FNIP1: variants seen among roughly 807,000 people sequenced by gnomAD.
The protein encoded by FNIP1 is folliculin-interacting protein 1.
Under a neutral mutation model 124.5 loss-of-function variants are expected in FNIP1, and 40 were observed. The observed-to-expected ratio is 0.32, with a 90% CI of 0.25 to 0.42. The LOEUF is 0.42. FNIP1 is among the 10% of genes least tolerant of loss of function. FNIP1 has a pLI of 1.00. For missense variants in FNIP1, 1,176 were observed against 1,403.7 expected (o/e 0.84, Z 2.59); for synonymous variants, 472 against 470.6 (o/e 1.00, Z -0.04).
intron 1 of FNIP1, among the ~76,000 whole-genome samples, chr5:131,794,843 T>C (rs1174221820): frequency 6.6e-6 from 1 of 152,152 alleles, no homozygotes; most frequent in African/African-American, 2.4e-5. Context: ...TGACAGAAAG[T>C]ATCAGTGACT....
At chr5:131,794,408 A>AT (rs1028655670) in intron 1 of FNIP1, among the ~76,000 whole-genome samples, 1 of 151,260 alleles carries the variant, frequency 6.6e-6, no homozygotes, top group Non-Finnish European at 1.5e-5. Context: ...AAGTCTGACA[A>AT]TTTTTTTTTA....
At position 131,658,217 on chromosome 5, in the gene FNIP1, A is replaced by G. The variant is rs140122774; in HGVS notation, c.3109-6218T>C. On this transcript the variant is annotated intron_variant, in intron 15 of 17. Coordinates refer to ENST00000510461, the MANE Select transcript of FNIP1 (RefSeq NM_133372.3). ...CCAAAAAACAAATTGACGTTAGACAATCTAGCAGAAGGGTTCATATTATTC... is the reference window on the plus strand; with the variant it reads ...CCAAAAAACAAATTGACGTTAGACAGTCTAGCAGAAGGGTTCATATTATTC... 4.7e-3 allele frequency among the ~76,000 whole-genome samples: 712 copies of G among 152,282 alleles called. 8 individuals carry two copies. The highest frequency in any genetic ancestry group is 0.016 in the African/African-American group (676 of 41,546).
chr5:131,742,649 A>G (rs1396483771), intron 2 of FNIP1, among the ~76,000 whole-genome samples: 1 of 152,256 alleles, frequency 6.6e-6, no homozygotes, highest in Non-Finnish European at 1.5e-5. Flanking sequence ...GCAAAATAGA[A>G]TATTGTACAA....
At chr5:131,678,989 T>A (rs1234971266) in intron 12 of FNIP1, 40 bp downstream of exon 12, 5 of 1,392,908 alleles carry the variant, frequency 3.6e-6, no homozygotes, top group Non-Finnish European at 5.0e-6. Context: ...TTGAGTTTGA[T>A]TACAATCTAG....
chr5:131,744,439 C>A, intron 2 of FNIP1, 125 bp downstream of exon 2: 1 of 921,414 alleles, frequency 1.1e-6, no homozygotes. Flanking sequence ...CAAACATTTC[C>A]TTCTCCCTCA....
At position 131,707,490 on chromosome 5, in the gene FNIP1, C is replaced by T. The variant is rs574606657; in HGVS notation, c.779-944G>A. Reference sequence around the variant, plus strand: ...ACTGAGACACTTTCATTATGAAGATCTATTCATTTGAATTCTGACAAATTC... The same window carrying T: ...ACTGAGACACTTTCATTATGAAGATTTATTCATTTGAATTCTGACAAATTC... On this transcript the variant is annotated intron_variant, in intron 8 of 17. Transcript: ENST00000510461. 4.6e-5 allele frequency among the ~76,000 whole-genome samples: 7 copies of T among 152,280 alleles called. No homozygotes were observed. In the South Asian group the frequency reaches 1.5e-3, roughly 32 times the overall value.
At chr5:131,771,796 G>C in intron 1 of FNIP1, among the ~76,000 whole-genome samples, 1 of 151,754 alleles carries the variant, frequency 6.6e-6, no homozygotes, top group Non-Finnish European at 1.5e-5. Flanking sequence ...AAAGTTTTAC[G>C]TTACTGTCAC....
intron 1 of FNIP1, among the ~76,000 whole-genome samples, chr5:131,749,686 C>G (rs1580808777): frequency 6.6e-6 from 1 of 152,232 alleles, no homozygotes; most frequent in East Asian, 1.9e-4. Context: ...GCCACTGTGC[C>G]CGGCCTACTT....
In FNIP1 at chr5:131,647,165, A is replaced by C. The variant is rs1162348733; in HGVS notation, c.3347T>G (p.Phe1116Cys). The change falls in exon 17 of 18, where the codon TTC becomes TGC. Residue 1116 changes from phenylalanine to cysteine, a missense_variant. By Grantham distance (205) the Phe-to-Cys change is radical. Coordinates refer to ENST00000510461, the MANE Select transcript of FNIP1 (RefSeq NM_133372.3). ...GTATTCAGACAGCATTTTACTTTTGAAGTATAGCTCCTGCAACCGGTCTTC... is the reference window on the plus strand; with the variant it reads ...GTATTCAGACAGCATTTTACTTTTGCAGTATAGCTCCTGCAACCGGTCTTC... ...HLEDRLQELY[F>C]KSKMLSEYLR... 2 of 1,614,144 alleles carry C rather than the reference A, an allele frequency of 1.2e-6. No individual in the cohort carries two copies. Among genetic ancestry groups the C allele is most frequent in the South Asian group, 2.2e-5 (2 of 91,086 alleles).
At chr5:131,741,869 C>T (rs115616027) in intron 2 of FNIP1, among the ~76,000 whole-genome samples, 1,602 of 152,214 alleles carry the variant, frequency 0.011, 20 homozygotes, top group African/African-American at 0.036. Flanking sequence ...ATCTTCTACT[C>T]CTACTTGGCA....
At chr5:131,760,950 C>T (rs925028747) in intron 1 of FNIP1, among the ~76,000 whole-genome samples, 3 of 152,000 alleles carry the variant, frequency 2.0e-5, no homozygotes, top group Non-Finnish European at 2.9e-5. Flanking sequence ...TGCTAAATTA[C>T]GCGGCAAGAG....
chr5:131,767,561 C>T (rs772862522), intron 1 of FNIP1, among the ~76,000 whole-genome samples: 1 of 151,554 alleles, frequency 6.6e-6, no homozygotes, highest in Middle Eastern at 3.2e-3. Flanking sequence ...GAAATTCCTT[C>T]CAGATTGACA....
At chr5:131,777,103 G>A (rs567242687) in intron 1 of FNIP1, among the ~76,000 whole-genome samples, 6 of 151,744 alleles carry the variant, frequency 4.0e-5, no homozygotes, top group Admixed American at 6.6e-5. Context: ...AGCAGGGCAC[G>A]GTGGTGCACT....
chr5:131,654,291 T>C (rs1767128685), intron 15 of FNIP1, among the ~76,000 whole-genome samples: 1 of 152,194 alleles, frequency 6.6e-6, no homozygotes, highest in Non-Finnish European at 1.5e-5. Context: ...GGATTTTTTT[T>C]TACTACTGGC....
At chr5:131,736,326 C>T (rs372639628) in intron 2 of FNIP1, among the ~76,000 whole-genome samples, 1 of 152,112 alleles carries the variant, frequency 6.6e-6, no homozygotes, top group Non-Finnish European at 1.5e-5. Flanking sequence ...AGATGAGAAA[C>T]GTGAAGCTCA....
Position 131,744,673 on chromosome 5 carries a change from A to G in FNIP1, c.110T>C (p.Phe37Ser). The change falls in exon 2 of 18, where the codon TTT (phenylalanine) becomes TCT (serine). Residue 37 changes from phenylalanine to serine, a missense_variant. Physicochemically the swap from Phe to Ser is radical, Grantham distance 155. Around this residue, in one of 2 missense-constraint regions of FNIP1, gnomAD observed 1,109 missense variants for 1,288.5 expected, o/e 0.86. Coordinates refer to ENST00000510461, the MANE Select transcript of FNIP1 (RefSeq NM_133372.3). The stretch of plus-strand genomic sequence containing the variant: ...AATCAGTCGAATCTGGCTTGGATCA[A>G]ACTCTGGTAAAGGCCAACTTGAAAG... The part of the protein sequence containing the change: ...DCGFSWPLPE[F>S]DPSQIRLIVY... The G allele has an allele frequency of 6.2e-7, 1 of 1,609,362 alleles. No homozygotes were observed. Among genetic ancestry groups the G allele is most frequent in the Non-Finnish European group, 8.5e-7 (1 of 1,177,644 alleles).
At chr5:131,645,324 A>AC (rs397818080) in intron 17 of FNIP1, among the ~76,000 whole-genome samples, 3 of 151,696 alleles carry the variant, frequency 2.0e-5, no homozygotes, top group Non-Finnish European at 4.4e-5. Flanking sequence ...AAAAAAAAAA[A>AC]CAAAGAATAA....
chr5:131,732,858 C>A (rs549036717), intron 2 of FNIP1, among the ~76,000 whole-genome samples: 140 of 152,292 alleles, frequency 9.2e-4, no homozygotes, highest in African/African-American at 3.2e-3. Flanking sequence ...TTTTCCAATT[C>A]TGTGAAGAAA....
chr5:131,768,952 G>A (rs1336716862), intron 1 of FNIP1, among the ~76,000 whole-genome samples: 1 of 152,000 alleles, frequency 6.6e-6, no homozygotes, highest in East Asian at 1.9e-4. Flanking sequence ...ATAAATTCAG[G>A]TCCATGTCAG....
Sources: allele counts gnomAD v4.1 joint callset (sites outside exome capture counted in the v4.1 genomes callset), GRCh38; gene constraint gnomAD v4.1.1; regional missense constraint gnomAD v4.1.1; transcripts MANE v1.5; gene names NCBI Gene and HGNC (gene_info 2026-07-23, HGNC 2026-07-21).